The following TTC29 variants were observed in gnomAD, a reference collection of about 807,000 sequenced individuals.
TTC29 encodes tetratricopeptide repeat protein 29.
Under a neutral mutation model 58.1 loss-of-function variants are expected in TTC29, and 49 were observed. That is an observed-to-expected ratio of 0.84 (90% CI 0.67 to 1.07). The LOEUF is 1.07. TTC29 is among the 50% of genes least tolerant of loss of function. The probability of loss-of-function intolerance (pLI) is 0.00; values close to 1 mark genes in which losing one functional copy is unlikely to be tolerated. For missense variants in TTC29, 582 were observed against 555.6 expected (o/e 1.05, Z -0.48); for synonymous variants, 209 against 196.8 (o/e 1.06, Z -0.52).
chr4:146,766,018 T>G (rs1236041769), intron 11 of TTC29, among the ~76,000 whole-genome samples: 1 of 151,962 alleles, frequency 6.6e-6, no homozygotes, highest in African/African-American at 2.4e-5. Context: ...GCTTCAGAAA[T>G]GAAGTAAATC....
intron 4 of TTC29, among the ~76,000 whole-genome samples, chr4:146,910,443 T>A (rs1733822322): frequency 6.6e-6 from 1 of 152,060 alleles, no homozygotes; most frequent in South Asian, 2.1e-4. Context: ...TAGACTTGCA[T>A]CTACCAAGGA....
chr4:146,707,096 T>C lies in TTC29; in HGVS notation c.*62A>G, dbSNP rs1206518522. ...ATCTGTAACATGCTCCTATTACAAG[T>C]ATTGAAGTCTAAGGTGACATGATGG... is the stretch of plus-strand genomic sequence containing the variant. On this transcript the variant is annotated 3_prime_UTR_variant, in exon 13 of 13. Coordinates refer to ENST00000325106, the MANE Select transcript of TTC29 (RefSeq NM_031956.4). 2 of 1,234,002 alleles carry C rather than the reference T, an allele frequency of 1.6e-6. No homozygotes were observed. Among genetic ancestry groups the C allele is most frequent in the Non-Finnish European group, 2.2e-6 (2 of 890,476 alleles). The allele number at this position is 1,234,002 out of a possible 1,614,324, so 76.4% of individuals were successfully genotyped here.
At chr4:146,863,921 T>C (rs914306923) in intron 8 of TTC29, among the ~76,000 whole-genome samples, 8 of 152,278 alleles carry the variant, frequency 5.3e-5, no homozygotes, top group African/African-American at 1.9e-4. Flanking sequence ...CCCATCCACA[T>C]AGGGGAAGGC....
At chr4:146,799,558 C>T (rs765250984) in intron 11 of TTC29, among the ~76,000 whole-genome samples, 2 of 152,078 alleles carry the variant, frequency 1.3e-5, no homozygotes, top group Admixed American at 6.5e-5. Flanking sequence ...CATAAAACTA[C>T]GATGATATCG....
chr4:146,920,745 A>C (rs947472012), intron 4 of TTC29, among the ~76,000 whole-genome samples: 3 of 151,010 alleles, frequency 2.0e-5, no homozygotes, highest in Non-Finnish European at 4.5e-5. Flanking sequence ...TCTTAAGATG[A>C]CTCCAGTTCT....
intron 6 of TTC29, among the ~76,000 whole-genome samples, chr4:146,900,453 T>A (rs1024901369): frequency 6.6e-6 from 1 of 152,106 alleles, no homozygotes; most frequent in Non-Finnish European, 1.5e-5. Flanking sequence ...GAGAGTGTAA[T>A]CTCATGGCAG....
At chr4:146,783,939 A>G (rs1269784422) in intron 11 of TTC29, among the ~76,000 whole-genome samples, 2 of 152,074 alleles carry the variant, frequency 1.3e-5, no homozygotes, top group Non-Finnish European at 2.9e-5. Flanking sequence ...CTCAAATGGT[A>G]TGTCTAACTG....
intron 11 of TTC29, among the ~76,000 whole-genome samples, chr4:146,780,405 C>T (rs1477534685): frequency 4.1e-5 from 6 of 146,544 alleles, no homozygotes; most frequent in African/African-American, 1.5e-4. Flanking sequence ...TTTTAAAATG[C>T]CTAAATTATA....
chr4:146,848,788 G>A (rs12504264), intron 8 of TTC29, among the ~76,000 whole-genome samples: 1,790 of 152,290 alleles, frequency 0.012, 64 homozygotes, highest in Admixed American at 0.07. Context: ...CCATTTGGAA[G>A]GAACTTAGAC....
At chr4:146,881,022 G>A (rs1457577924) in intron 6 of TTC29, among the ~76,000 whole-genome samples, 1 of 152,034 alleles carries the variant, frequency 6.6e-6, no homozygotes, top group East Asian at 1.9e-4. Context: ...AGTTTGCAAC[G>A]CAATAAGGGC....
At chr4:146,879,894 T>C (rs1731510623) in intron 6 of TTC29, among the ~76,000 whole-genome samples, 1 of 152,118 alleles carries the variant, frequency 6.6e-6, no homozygotes, top group South Asian at 2.1e-4. Context: ...TTAAAGTCTT[T>C]GTAGGGGAAA....
At chr4:146,920,461 G>GA (rs1020067765) in intron 4 of TTC29, among the ~76,000 whole-genome samples, 12 of 150,766 alleles carry the variant, frequency 8.0e-5, no homozygotes, top group East Asian at 1.9e-4. Context: ...AATACAAAGG[G>GA]AAAAAAATCA....
chr4:146,802,430 C>A (rs1750296066), intron 11 of TTC29, among the ~76,000 whole-genome samples: 1 of 152,174 alleles, frequency 6.6e-6, no homozygotes, highest in East Asian at 1.9e-4. Context: ...TTGAAGACTT[C>A]ATCTTGTTTT....
chr4:146,944,682 G>C (rs769805842), intron 2 of TTC29, among the ~76,000 whole-genome samples: 1 of 152,032 alleles, frequency 6.6e-6, no homozygotes, highest in Non-Finnish European at 1.5e-5. Context: ...ACATCATCAC[G>C]AGTTCAAAAC....
chr4:146,765,149 T>G (rs1747210325), intron 11 of TTC29, among the ~76,000 whole-genome samples: 1 of 152,132 alleles, frequency 6.6e-6, no homozygotes, highest in Non-Finnish European at 1.5e-5. Flanking sequence ...AAATTGTTGG[T>G]CTTTTATAAC....
chr4:146,879,138 A>G (rs1480461844), intron 6 of TTC29, among the ~76,000 whole-genome samples: 1 of 152,202 alleles, frequency 6.6e-6, no homozygotes, highest in Non-Finnish European at 1.5e-5. Context: ...AAGCCAGCAA[A>G]GATTTGATCC....
At chr4:146,938,980 C>T (rs1736107627) in intron 3 of TTC29, among the ~76,000 whole-genome samples, 1 of 152,156 alleles carries the variant, frequency 6.6e-6, no homozygotes, top group Non-Finnish European at 1.5e-5. Flanking sequence ...TGCATTTCCT[C>T]AGTGACAATT....
intron 8 of TTC29, among the ~76,000 whole-genome samples, chr4:146,849,043 G>T (rs888058913): frequency 2.0e-5 from 3 of 152,072 alleles, no homozygotes; most frequent in Non-Finnish European, 2.9e-5. Flanking sequence ...CTCACTGCGA[G>T]TCTGGAGACC....
At chr4:146,921,224 G>T (rs1036250032) in intron 4 of TTC29, among the ~76,000 whole-genome samples, 1 of 151,224 alleles carries the variant, frequency 6.6e-6, no homozygotes, top group Non-Finnish European at 1.5e-5. Flanking sequence ...ATATATAAAA[G>T]ATCTTGTATA....
Sources: allele counts gnomAD v4.1 joint callset (sites outside exome capture counted in the v4.1 genomes callset), GRCh38; gene constraint gnomAD v4.1.1; transcripts MANE v1.5; gene names NCBI Gene and HGNC (gene_info 2026-07-23, HGNC 2026-07-21).